Variants in SLC35D4 observed in about 807,000 individuals in gnomAD.
The protein encoded by SLC35D4 is UDP-N-acetylglucosamine transporter SLC35D4.
At chr18:23,256,649 T>G in the SLC35D4 span, among the ~76,000 whole-genome samples, 1 of 151,696 alleles carries the variant, frequency 6.6e-6, no homozygotes, top group Non-Finnish European at 1.5e-5. Context: ...CCCGGCTCAT[T>G]TTTGTTATTT....
chr18:23,240,789 CCT>C, the SLC35D4 span, among the ~76,000 whole-genome samples: 27 of 152,358 alleles, frequency 1.8e-4, no homozygotes, highest in African/African-American at 6.3e-4. Flanking sequence ...ACTGTCCTCC[CCT>C]GTTTTGGGAT....
the SLC35D4 span, among the ~76,000 whole-genome samples, chr18:23,248,319 C>G: frequency 6.6e-6 from 1 of 152,094 alleles, no homozygotes; most frequent in Admixed American, 6.5e-5. Flanking sequence ...TAAATGCAAT[C>G]AGCAGAATAC....
chr18:23,300,772 T>C, the SLC35D4 span, among the ~76,000 whole-genome samples: 5 of 152,378 alleles, frequency 3.3e-5, no homozygotes, highest in South Asian at 2.1e-4. Context: ...ACAAACTTCA[T>C]GTAACCAAGG....
At chr18:23,290,071 C>T in the SLC35D4 span, among the ~76,000 whole-genome samples, 2 of 152,240 alleles carry the variant, frequency 1.3e-5, no homozygotes, top group African/African-American at 4.8e-5. Flanking sequence ...CCATCAGAGG[C>T]CCCTGGAGAG....
At chr18:23,254,087 G>A in the SLC35D4 span, 1 of 663,750 alleles carries the variant, frequency 1.5e-6, no homozygotes, top group South Asian at 1.9e-5. Flanking sequence ...CCCATAGTGG[G>A]AATAGTCAGG....
chr18:23,256,474 G>A, the SLC35D4 span, among the ~76,000 whole-genome samples: 2 of 152,140 alleles, frequency 1.3e-5, no homozygotes, highest in Non-Finnish European at 1.5e-5. Context: ...TGCGTGGTTT[G>A]CTTTATTATT....
the SLC35D4 span, among the ~76,000 whole-genome samples, chr18:23,350,654 G>C: frequency 6.6e-6 from 1 of 152,198 alleles, no homozygotes; most frequent in Non-Finnish European, 1.5e-5. Flanking sequence ...TCCACTGCTT[G>C]TTCCAAAGAG....
the SLC35D4 span, among the ~76,000 whole-genome samples, chr18:23,415,814 C>T: frequency 6.6e-6 from 1 of 152,192 alleles, no homozygotes; most frequent in African/African-American, 2.4e-5. Context: ...GTGGCAACAA[C>T]CAGTCACCAG....
chr18:23,262,529 C>T, the SLC35D4 span, among the ~76,000 whole-genome samples: 3 of 152,248 alleles, frequency 2.0e-5, no homozygotes, highest in Admixed American at 6.5e-5. Context: ...GTCCACCTAG[C>T]GCTTATGAAA....
chr18:23,280,333 A>G, the SLC35D4 span, among the ~76,000 whole-genome samples: 1 of 152,162 alleles, frequency 6.6e-6, no homozygotes, highest in African/African-American at 2.4e-5. Context: ...CCACTGTGAG[A>G]CCAAGGCTGT....
the SLC35D4 span, among the ~76,000 whole-genome samples, chr18:23,369,785 A>G: frequency 6.6e-6 from 1 of 152,190 alleles, no homozygotes; most frequent in Non-Finnish European, 1.5e-5. Flanking sequence ...CCTGCCCTCA[A>G]CACAACCCAG....
chr18:23,252,674 C>T, the SLC35D4 span, among the ~76,000 whole-genome samples: 2 of 152,214 alleles, frequency 1.3e-5, no homozygotes, highest in African/African-American at 2.4e-5. Flanking sequence ...CACCTGGGAA[C>T]TGACACAGGC....
chr18:23,366,960 CTT>C, the SLC35D4 span, among the ~76,000 whole-genome samples: 12 of 152,324 alleles, frequency 7.9e-5, no homozygotes, highest in Admixed American at 3.3e-4. Flanking sequence ...TAGGCTAAGT[CTT>C]TGCTTCCATC....
the SLC35D4 span, among the ~76,000 whole-genome samples, chr18:23,244,770 C>T: frequency 1.3e-5 from 2 of 152,170 alleles, no homozygotes; most frequent in South Asian, 2.1e-4. Flanking sequence ...AGGCTTGCAG[C>T]GGCTGCATAC....
At chr18:23,273,068 A>G in the SLC35D4 span, among the ~76,000 whole-genome samples, 1 of 152,336 alleles carries the variant, frequency 6.6e-6, no homozygotes, top group Admixed American at 6.5e-5. Context: ...TGGGTGTGCT[A>G]ATGACGGGAG....
the SLC35D4 span, among the ~76,000 whole-genome samples, chr18:23,347,427 ATC>A: frequency 9.5e-5 from 14 of 147,098 alleles, no homozygotes; most frequent in Non-Finnish European, 7.5e-5. Flanking sequence ...CTTCTCTCCT[ATC>A]TCTCTCTCTC....
chr18:23,421,888 AG>A, the SLC35D4 span, among the ~76,000 whole-genome samples: 1 of 151,756 alleles, frequency 6.6e-6, no homozygotes, highest in Admixed American at 6.6e-5. Context: ...CCTGTTAGCC[AG>A]GGTGGTCTCA....
chr18:23,308,925 A>T, the SLC35D4 span, among the ~76,000 whole-genome samples: 1 of 141,262 alleles, frequency 7.1e-6, no homozygotes, highest in Non-Finnish European at 1.5e-5. Flanking sequence ...TCAGTACCTA[A>T]AGGGGATCTG....
At chr18:23,364,902 C>CAAAAAAAAA in the SLC35D4 span, among the ~76,000 whole-genome samples, 77 of 31,882 alleles carry the variant, frequency 2.4e-3, 13 homozygotes, top group African/African-American at 6.1e-3. Flanking sequence ...GACTCTGTCT[C>CAAAAAAAAA]AAAAAAAAAA....
Sources: gnomAD v4.1 joint callset for allele counts (sites outside exome capture counted in the v4.1 genomes callset) on GRCh38, gnomAD v4.1.1 for gene constraint, MANE v1.5 for transcripts, NCBI Gene and HGNC (gene_info 2026-07-23, HGNC 2026-07-21) for gene names.